CAMK1D: variants seen among roughly 807,000 people sequenced by gnomAD.
CAMK1D encodes the protein calcium/calmodulin dependent protein kinase ID.
Under a neutral mutation model 47.7 loss-of-function variants are expected in CAMK1D, and 9 were observed. The observed-to-expected ratio is 0.19, with a 90% confidence interval of 0.11 to 0.33. The LOEUF (loss-of-function observed/expected upper bound fraction) is 0.33, where lower values mean the gene tolerates loss of function less well. Among genes scored for constraint, CAMK1D ranks in the 10% least tolerant of loss-of-function variants. CAMK1D has a pLI of 1.00. For synonymous variants in CAMK1D, 184 were observed against 184.9 expected (o/e 0.99, Z 0.04); for missense variants, 291 against 488.7 (o/e 0.60, Z 3.81).
chr10:12,493,764 G>C (rs1385078886), intron 1 of CAMK1D, among the ~76,000 whole-genome samples: 1 of 152,160 alleles, frequency 6.6e-6, no homozygotes, highest in Non-Finnish European at 1.5e-5. Context: ...AAAGTGCTGG[G>C]ACTACAGGCG....
chr10:12,488,083 C>G (rs1272545033), intron 1 of CAMK1D, among the ~76,000 whole-genome samples: 2 of 152,168 alleles, frequency 1.3e-5, no homozygotes, highest in Non-Finnish European at 2.9e-5. Flanking sequence ...TTCTCCCAAC[C>G]CCATTCACTC....
intron 2 of CAMK1D, among the ~76,000 whole-genome samples, chr10:12,613,294 C>T (rs75237116): frequency 0.015 from 2,230 of 152,292 alleles, 72 homozygotes; most frequent in East Asian, 0.11. Context: ...TAACGGGCAG[C>T]TCTTGCTCAC....
At position 12,535,038 on chromosome 10, in the gene CAMK1D, C is replaced by A. The variant is rs79204413; in HGVS notation, c.93-18187C>A. Among the ~76,000 whole-genome samples the A allele has an allele frequency of 7.3e-3, 1,105 of 152,326 alleles. 27 individuals are homozygous for A. Among genetic ancestry groups the A allele is most frequent in the East Asian group, 0.046 (238 of 5,184 alleles). On this transcript the variant is annotated intron_variant, in intron 1 of 10. Transcript: ENST00000619168. ...GTTTGGTGAGCAGCTAGCCGCTGGCCACATTGCTGCCCTGGTGACGTCAGG... is the reference window on the plus strand; with the variant it reads ...GTTTGGTGAGCAGCTAGCCGCTGGCAACATTGCTGCCCTGGTGACGTCAGG...
At position 12,663,107 on chromosome 10, in the gene CAMK1D, C is replaced by T. The variant is rs368722675; in HGVS notation, c.225-3629C>T. ...CTCTGAGTAGCTGGGATTACAGGCA[C>T]ATGCCGCCACGCCCAGCTGATTTTT... is the stretch of plus-strand genomic sequence containing the variant. On this transcript the variant is annotated intron_variant, in intron 2 of 10. Coordinates refer to ENST00000619168, the MANE Select transcript of CAMK1D (RefSeq NM_153498.4). Among the ~76,000 whole-genome samples the T allele has an allele frequency of 1.3e-4, 19 of 151,732 alleles. No individual in the cohort carries two copies. In the South Asian group the frequency reaches 2.5e-3, roughly 20 times the overall value.
chr10:12,445,169 C>G (rs528033398), intron 1 of CAMK1D, among the ~76,000 whole-genome samples: 1 of 152,178 alleles, frequency 6.6e-6, no homozygotes, highest in African/African-American at 2.4e-5. Context: ...GCCGGCCAGT[C>G]GTGCCCGAAT....
At chr10:12,502,644 G>A (rs1009657641) in intron 1 of CAMK1D, among the ~76,000 whole-genome samples, 3 of 152,212 alleles carry the variant, frequency 2.0e-5, no homozygotes, top group Non-Finnish European at 4.4e-5. Flanking sequence ...TTTAGCCCGG[G>A]CCCTCGGACA....
intron 1 of CAMK1D, among the ~76,000 whole-genome samples, chr10:12,358,179 G>A (rs1316714698): frequency 6.6e-6 from 1 of 152,002 alleles, no homozygotes; most frequent in Admixed American, 6.6e-5. Flanking sequence ...GAGCTATGAT[G>A]GTACCACTAC....
chr10:12,400,044 G>T (rs1036995336), intron 1 of CAMK1D, among the ~76,000 whole-genome samples: 5 of 152,102 alleles, frequency 3.3e-5, no homozygotes, highest in African/African-American at 1.2e-4. Flanking sequence ...GGCTAATACG[G>T]CATTCACGGC....
At chr10:12,509,848 C>G (rs944480476) in intron 1 of CAMK1D, among the ~76,000 whole-genome samples, 1 of 152,156 alleles carries the variant, frequency 6.6e-6, no homozygotes, top group Non-Finnish European at 1.5e-5. Flanking sequence ...CTCAGTTCAC[C>G]CAGGACATCA....
intron 2 of CAMK1D, among the ~76,000 whole-genome samples, chr10:12,564,977 G>A (rs956313145): frequency 6.6e-6 from 1 of 152,212 alleles, no homozygotes; most frequent in African/African-American, 2.4e-5. Flanking sequence ...GGGAGGCTGA[G>A]ATAGAAGGAC....
At chr10:12,507,149 C>T (rs557683818) in intron 1 of CAMK1D, among the ~76,000 whole-genome samples, 7 of 152,264 alleles carry the variant, frequency 4.6e-5, no homozygotes, top group Admixed American at 3.9e-4. Context: ...GTGTGAACAC[C>T]ACCTGGACTT....
At chr10:12,630,046 G>A (rs4503422) in intron 2 of CAMK1D, among the ~76,000 whole-genome samples, 107,720 of 152,146 alleles carry the variant, frequency 0.71, 41,650 homozygotes, top group Non-Finnish European at 0.85. Context: ...CCTGAGCCCC[G>A]TAGGGTGGCC....
intron 3 of CAMK1D, among the ~76,000 whole-genome samples, chr10:12,690,266 A>T (rs761676738): frequency 1.3e-5 from 2 of 152,174 alleles, no homozygotes; most frequent in Non-Finnish European, 1.5e-5. Flanking sequence ...GTCTTGACTC[A>T]TTTCATATCT....
chr10:12,698,700 G>A (rs187623871), intron 3 of CAMK1D, among the ~76,000 whole-genome samples: 1,819 of 87,186 alleles, frequency 0.021, 33 homozygotes, highest in African/African-American at 0.061. Context: ...TTGAGACGGA[G>A]TGTCGCTCTG....
chr10:12,743,209 T>C (rs1277084170), intron 3 of CAMK1D, among the ~76,000 whole-genome samples: 2 of 151,958 alleles, frequency 1.3e-5, no homozygotes, highest in Non-Finnish European at 2.9e-5. Flanking sequence ...TAGCCGGGCA[T>C]GGTGGCAGGC....
chr10:12,399,552 A>C (rs1477589179), intron 1 of CAMK1D, among the ~76,000 whole-genome samples: 1 of 152,072 alleles, frequency 6.6e-6, no homozygotes, highest in Non-Finnish European at 1.5e-5. Context: ...AGGGTTCCTA[A>C]GGATAGGAGC....
intron 2 of CAMK1D, among the ~76,000 whole-genome samples, chr10:12,559,951 G>C (rs767250198): frequency 6.6e-6 from 1 of 152,164 alleles, no homozygotes; most frequent in Non-Finnish European, 1.5e-5. Context: ...GATGTGTGGT[G>C]GGAGAGTGAG....
intron 3 of CAMK1D, among the ~76,000 whole-genome samples, chr10:12,728,224 C>G (rs904572121): frequency 6.6e-6 from 1 of 152,216 alleles, no homozygotes; most frequent in African/African-American, 2.4e-5. Context: ...AATGTAGCAG[C>G]TTTGCATTTT....
intron 3 of CAMK1D, among the ~76,000 whole-genome samples, chr10:12,701,837 A>T (rs1346518529): frequency 6.6e-6 from 1 of 152,176 alleles, no homozygotes; most frequent in Non-Finnish European, 1.5e-5. Flanking sequence ...GTACTATTGG[A>T]AGCTTGGCTG....
Sources: allele counts gnomAD v4.1 joint callset (sites outside exome capture counted in the v4.1 genomes callset), GRCh38; gene constraint gnomAD v4.1.1; transcripts MANE v1.5; gene names NCBI Gene and HGNC (gene_info 2026-07-23, HGNC 2026-07-21).